PTPRD: variants seen among roughly 807,000 people sequenced by gnomAD.
PTPRD encodes the protein receptor-type tyrosine-protein phosphatase delta.
Under a neutral mutation model 214.5 loss-of-function variants are expected in PTPRD, and 34 were observed. That is an observed-to-expected ratio of 0.16 (90% confidence interval 0.12 to 0.21). The LOEUF (loss-of-function observed/expected upper bound fraction) is 0.21, where lower values mean the gene tolerates loss of function less well. Ranked by LOEUF, PTPRD falls within the 10% of genes least tolerant of loss-of-function variation. The probability of loss-of-function intolerance (pLI) is 1.00; values close to 1 mark genes in which losing one functional copy is unlikely to be tolerated. For synonymous variants in PTPRD, 1,128 were observed against 845.7 expected (o/e 1.33, Z -5.79); for missense variants, 2,545 against 2,398.7 (o/e 1.06, Z -1.27).
chr9:10,428,146 C>T (rs1250530560), intron 2 of PTPRD, among the ~76,000 whole-genome samples: 3 of 151,868 alleles, frequency 2.0e-5, no homozygotes, highest in African/African-American at 7.3e-5. Context: ...GAAACCCCAT[C>T]TCTACTAAAA....
chr9:9,314,508 T>G (rs1012121716), intron 9 of PTPRD, among the ~76,000 whole-genome samples: 5 of 152,142 alleles, frequency 3.3e-5, no homozygotes, highest in African/African-American at 1.2e-4. Flanking sequence ...TCATGGCACA[T>G]GGCCTGGCTT....
At chr9:8,535,853 G>C (rs1168467948) in intron 14 of PTPRD, among the ~76,000 whole-genome samples, 1 of 151,890 alleles carries the variant, frequency 6.6e-6, no homozygotes, top group African/African-American at 2.4e-5. Context: ...TTCAGCTCTG[G>C]AGAGGGGAAA....
chr9:8,461,804 C>A (rs1294272025), intron 32 of PTPRD, among the ~76,000 whole-genome samples: 1 of 151,884 alleles, frequency 6.6e-6, no homozygotes, highest in Admixed American at 6.6e-5. Flanking sequence ...TATAGACAAA[C>A]ATTCTTTTTT....
At chr9:9,101,406 C>T (rs996144693) in intron 10 of PTPRD, among the ~76,000 whole-genome samples, 3 of 152,052 alleles carry the variant, frequency 2.0e-5, no homozygotes, top group African/African-American at 7.2e-5. Flanking sequence ...TATAAAAATA[C>T]ACCTGTACAG....
chr9:9,674,443 T>C (rs970926284), intron 7 of PTPRD, among the ~76,000 whole-genome samples: 6 of 151,616 alleles, frequency 4.0e-5, no homozygotes, highest in South Asian at 4.2e-4. Context: ...AAAAAACATA[T>C]AGAATATTTG....
At chr9:9,897,157 CACA>C (rs2075222531) in intron 5 of PTPRD, among the ~76,000 whole-genome samples, 1 of 133,946 alleles carries the variant, frequency 7.5e-6, no homozygotes, top group African/African-American at 2.8e-5. Flanking sequence ...CACACACACA[CACA>C]CCGCTGCTAA....
At chr9:8,734,358 G>T (rs142478134) in intron 11 of PTPRD, among the ~76,000 whole-genome samples, 4 of 152,322 alleles carry the variant, frequency 2.6e-5, no homozygotes, top group Non-Finnish European at 5.9e-5. Context: ...CTCCATGCAG[G>T]ATAAAAGTCT....
chr9:10,332,036 C>T (rs987627955), intron 3 of PTPRD, among the ~76,000 whole-genome samples: 1 of 151,752 alleles, frequency 6.6e-6, no homozygotes, highest in Non-Finnish European at 1.5e-5. Context: ...CAGAAACTAA[C>T]ACATTTCCTT....
chr9:9,967,539 A>C (rs2154032973), intron 4 of PTPRD, among the ~76,000 whole-genome samples: 1 of 152,308 alleles, frequency 6.6e-6, no homozygotes, highest in East Asian at 1.9e-4. Context: ...ATGTTACATC[A>C]TTCAATCCTT....
chr9:8,430,765 C>G (rs2094992767), intron 35 of PTPRD, among the ~76,000 whole-genome samples: 1 of 152,128 alleles, frequency 6.6e-6, no homozygotes, highest in African/African-American at 2.4e-5. Context: ...GTGCCTTTCC[C>G]TTGATAAAAT....
intron 2 of PTPRD, among the ~76,000 whole-genome samples, chr9:10,511,566 G>GCTCTTTTTT (rs1184361974): frequency 1.1e-5 from 1 of 88,630 alleles, no homozygotes; most frequent in Non-Finnish European, 2.5e-5. Context: ...ACCACACCCT[G>GCTCTTTTTT]GTATTTTTTT....
At chr9:9,513,169 G>C (rs2096750620) in intron 8 of PTPRD, among the ~76,000 whole-genome samples, 2 of 151,846 alleles carry the variant, frequency 1.3e-5, no homozygotes, top group African/African-American at 2.4e-5. Flanking sequence ...AATGGCCACA[G>C]TCTTTTCAAG....
intron 7 of PTPRD, among the ~76,000 whole-genome samples, chr9:9,725,224 G>T (rs1004513704): frequency 3.9e-5 from 6 of 152,020 alleles, no homozygotes; most frequent in African/African-American, 1.5e-4. Context: ...ACTGAATCAT[G>T]GGGGCAAGTC....
At chr9:9,653,313 C>T (rs1375202453) in intron 7 of PTPRD, among the ~76,000 whole-genome samples, 2 of 119,236 alleles carry the variant, frequency 1.7e-5, no homozygotes, top group Admixed American at 1.2e-4. Flanking sequence ...CTGCAGTCCG[C>T]AGTCCGGCCT....
intron 11 of PTPRD, chr9:8,958,626 G>A (rs1244613778): frequency 6.6e-6 from 1 of 151,890 alleles, no homozygotes; most frequent in Non-Finnish European, 1.5e-5. Context: ...TTTGAGAAAC[G>A]GACACATAGT....
intron 3 of PTPRD, among the ~76,000 whole-genome samples, chr9:10,068,772 G>A (rs1421745689): frequency 1.3e-5 from 2 of 151,818 alleles, no homozygotes; most frequent in East Asian, 3.9e-4. Context: ...AAAAAAGAGT[G>A]GAATGCCAAG....
chr9:9,595,714 G>A (rs1251489656), intron 7 of PTPRD, among the ~76,000 whole-genome samples: 1 of 151,786 alleles, frequency 6.6e-6, no homozygotes, highest in Non-Finnish European at 1.5e-5. Flanking sequence ...AACATCGCAT[G>A]TTCTCACTCA....
At chr9:10,588,724 G>T (rs1465888044) in intron 2 of PTPRD, among the ~76,000 whole-genome samples, 1 of 151,862 alleles carries the variant, frequency 6.6e-6, no homozygotes, top group Non-Finnish European at 1.5e-5. Context: ...CAAGGGTCTG[G>T]AAGACACTTA....
rs2098393632 is a variant in PTPRD at position 10,088,878 on chromosome 9, G to T, written c.-544-55088C>A. Among the ~76,000 whole-genome samples the T allele has an allele frequency of 3.3e-5, 5 of 151,666 alleles. No homozygotes were observed. In the South Asian group the frequency reaches 8.3e-4, roughly 25 times the overall value. ...ATGGAAAAATTCTGGAATTTTTGGGGTGATGGAAATATTCTGGTGGTGATG... is the reference window on the plus strand; with the variant it reads ...ATGGAAAAATTCTGGAATTTTTGGGTTGATGGAAATATTCTGGTGGTGATG... On this transcript the variant is annotated intron_variant, in intron 3 of 45. Transcript: ENST00000381196.
Sources: gnomAD v4.1 joint callset for allele counts (sites outside exome capture counted in the v4.1 genomes callset) on GRCh38, gnomAD v4.1.1 for gene constraint, MANE v1.5 for transcripts, NCBI Gene and HGNC (gene_info 2026-07-23, HGNC 2026-07-21) for gene names.